Variants in SGCD observed in about 807,000 individuals in gnomAD.
SGCD encodes the protein sarcoglycan delta, also known as delta-sarcoglycan.
SGCD carries 18 observed loss-of-function variants against 36.6 expected under a neutral mutation model. The observed-to-expected ratio is 0.49, with a 90% CI of 0.34 to 0.73. The LOEUF (loss-of-function observed/expected upper bound fraction) is 0.73. SGCD is among the 30% of genes least tolerant of loss of function. The probability of loss-of-function intolerance (pLI) is 0.01; values close to 1 mark genes in which losing one functional copy is unlikely to be tolerated. For missense variants in SGCD, 387 were observed against 346.7 expected (o/e 1.12, Z -0.92); for synonymous variants, 133 against 130.6 (o/e 1.02, Z -0.12).
At chr5:155,798,462 T>C in the SGCD span, among the ~76,000 whole-genome samples, 1 of 152,230 alleles carries the variant, frequency 6.6e-6, no homozygotes, top group African/African-American at 2.4e-5. Flanking sequence ...ATCACACTAT[T>C]TCTATAGAAG....
At chr5:155,875,235 G>T (rs1243429259) in intron 1 of SGCD, among the ~76,000 whole-genome samples, 1 of 152,088 alleles carries the variant, frequency 6.6e-6, no homozygotes, top group Non-Finnish European at 1.5e-5. Context: ...CATGTCAGTG[G>T]TTGCCTAGGT....
At chr5:156,078,261 C>T (rs935069134) in intron 1 of SGCD, among the ~76,000 whole-genome samples, 1 of 151,624 alleles carries the variant, frequency 6.6e-6, no homozygotes, top group Non-Finnish European at 1.5e-5. Flanking sequence ...TGTCTGTAAT[C>T]CCAGCATTTT....
chr5:156,481,045 A>G (rs77692553), intron 3 of SGCD, among the ~76,000 whole-genome samples: 8,662 of 152,300 alleles, frequency 0.057, 354 homozygotes, highest in Middle Eastern at 0.14. Flanking sequence ...TTCTCAGGGC[A>G]TTGGTTTTTG....
At chr5:156,710,801 G>A (rs1449526137) in intron 7 of SGCD, among the ~76,000 whole-genome samples, 1 of 152,110 alleles carries the variant, frequency 6.6e-6, no homozygotes, top group Non-Finnish European at 1.5e-5. Context: ...GATGGCAAAT[G>A]TTTTCTATGC....
chr5:155,775,866 A>G, the SGCD span, among the ~76,000 whole-genome samples: 7,375 of 152,178 alleles, frequency 0.048, 230 homozygotes, highest in Middle Eastern at 0.14. Context: ...TTCTGCTCCA[A>G]AGGAGAAGTA....
At chr5:156,402,893 A>T (rs372273604) in intron 3 of SGCD, among the ~76,000 whole-genome samples, 25 of 152,268 alleles carry the variant, frequency 1.6e-4, no homozygotes, top group African/African-American at 5.3e-4. Context: ...TTGACTACCT[A>T]TCCTGCCTCA....
At chr5:156,339,312 G>A (rs10065774) in intron 2 of SGCD, among the ~76,000 whole-genome samples, 24,876 of 152,124 alleles carry the variant, frequency 0.16, 2,888 homozygotes, top group African/African-American at 0.33. Context: ...TTTATGAACA[G>A]GTCAACATTG....
intron 1 of SGCD, among the ~76,000 whole-genome samples, chr5:156,046,276 T>C (rs1477483127): frequency 6.6e-6 from 1 of 152,308 alleles, no homozygotes; most frequent in East Asian, 1.9e-4. Flanking sequence ...CCCACATGAC[T>C]CTTATCAATA....
At position 156,306,488 on chromosome 5, in the gene SGCD, A is replaced by G. The variant is rs1767216793; in HGVS notation, c.-43-23046A>G. 3.3e-5 allele frequency among the ~76,000 whole-genome samples: 5 copies of G among 152,250 alleles called. No homozygotes were observed. The South Asian group carries it at 1.0e-3, about 32-fold the overall frequency. On this transcript the variant is annotated intron_variant, in intron 3 of 9. Coordinates refer to the SGCD transcript ENST00000517913. ...TTTTGTAAATTTCCCAGTTTTGGGT[A>G]TGTCTTTATCAGCAGCATGAAAAGG...
At chr5:156,554,003 C>G (rs979888951) in intron 4 of SGCD, among the ~76,000 whole-genome samples, 1 of 152,122 alleles carries the variant, frequency 6.6e-6, no homozygotes, top group African/African-American at 2.4e-5. Context: ...GTTGTACTTT[C>G]CATAATTTCA....
chr5:155,770,066 T>A, the SGCD span, among the ~76,000 whole-genome samples: 1 of 152,090 alleles, frequency 6.6e-6, no homozygotes, highest in South Asian at 2.1e-4. Flanking sequence ...ACTCTCCTTT[T>A]CTCACGCATT....
At chr5:155,758,676 C>T in the SGCD span, among the ~76,000 whole-genome samples, 1 of 152,144 alleles carries the variant, frequency 6.6e-6, no homozygotes, top group Non-Finnish European at 1.5e-5. Flanking sequence ...CTAGGTTGTG[C>T]ACTCCTTATG....
intron 1 of SGCD, among the ~76,000 whole-genome samples, chr5:155,954,667 G>T (rs945674792): frequency 1.3e-5 from 2 of 151,224 alleles, no homozygotes; most frequent in Admixed American, 6.6e-5. Context: ...CTAGAGTAGT[G>T]TCTTTACCAA....
chr5:155,839,377 TG>T, the SGCD span, among the ~76,000 whole-genome samples: 4 of 152,176 alleles, frequency 2.6e-5, no homozygotes, highest in African/African-American at 9.7e-5. Context: ...AAATGATTTG[TG>T]GGGCAGTCAT....
At chr5:156,036,906 C>T (rs1422119289) in intron 1 of SGCD, among the ~76,000 whole-genome samples, 1 of 152,120 alleles carries the variant, frequency 6.6e-6, no homozygotes, top group African/African-American at 2.4e-5. Context: ...TCCTGCCAAG[C>T]TCTTTGCCAA....
chr5:156,372,515 T>C (rs72798944), intron 3 of SGCD, among the ~76,000 whole-genome samples: 2,043 of 152,268 alleles, frequency 0.013, 22 homozygotes, highest in Non-Finnish European at 0.021. Context: ...CACCTCATCC[T>C]CCCTTTGGGC....
chr5:156,132,486 T>TTTTTA (rs1762351013), intron 3 of SGCD, among the ~76,000 whole-genome samples: 1 of 138,286 alleles, frequency 7.2e-6, no homozygotes, highest in African/African-American at 2.8e-5. Context: ...TTTTTTTTTT[T>TTTTTA]GAGACGGAGT....
In SGCD at chr5:156,048,221, A is replaced by G. The variant is rs548924643; in HGVS notation, c.-281-69657A>G. Among the ~76,000 whole-genome samples, 6 of 152,260 alleles carry G rather than the reference A, an allele frequency of 3.9e-5. No homozygotes were observed. The South Asian group carries it at 1.2e-3, about 32-fold the overall frequency. ...CCACCTTTTCTTAATCCAGTCTATC[A>G]TTGTTGGGCATTTGGCTTGGTTCCC... On this transcript the variant is annotated intron_variant, in intron 1 of 9. Transcript: ENST00000517913.
At chr5:156,757,560 A>T in intron 7 of SGCD, 21 bp from the exon 8 acceptor site, 1 of 1,463,544 alleles carries the variant, frequency 6.8e-7, no homozygotes. Flanking sequence ...ATCTTTATTG[A>T]CGATCTTGGG....
Sources: allele counts gnomAD v4.1 joint callset (sites outside exome capture counted in the v4.1 genomes callset), GRCh38; gene constraint gnomAD v4.1.1; transcripts MANE v1.5; gene names NCBI Gene and HGNC (gene_info 2026-07-23, HGNC 2026-07-21).